Variants in LAP3 observed in about 807,000 individuals in gnomAD.
The protein encoded by LAP3 is cytosol aminopeptidase.
Under a neutral mutation model 58.8 loss-of-function variants are expected in LAP3, and 46 were observed. That is an observed-to-expected ratio of 0.78 (90% CI 0.62 to 1.00). The LOEUF (loss-of-function observed/expected upper bound fraction) is 1.00, where lower values mean the gene tolerates loss of function less well. Among genes scored for constraint, LAP3 ranks in the 50% least tolerant of loss-of-function variants. The pLI is 0.00. For synonymous variants in LAP3, 257 were observed against 237.7 expected (o/e 1.08, Z -0.75); for missense variants, 615 against 659.1 (o/e 0.93, Z 0.73).
Position 17,577,249 on chromosome 4 carries a change from C to CACGAATGCGGGCGCACACGAATGCGGG in LAP3, c.-217_-216insACGAATGCGGGCGCACACGAATGCGGG, listed in dbSNP as rs1553880637. 55 of 391,936 alleles carry CACGAATGCGGGCGCACACGAATGCGGG rather than the reference C, an allele frequency of 1.4e-4. No individual in the cohort carries two copies. The highest frequency in any genetic ancestry group is 2.9e-4 in the South Asian group (5 of 17,444). 24.3% of individuals were successfully genotyped at this position (391,936 alleles called of 1,614,324 possible). A position where few individuals can be genotyped will look rare whatever the true frequency, so the allele number is the denominator to read the frequency against. On this transcript the variant is annotated 5_prime_UTR_variant, in exon 1 of 13. The change creates a new upstream start codon in the 5' untranslated region. Transcript: ENST00000226299. Reference sequence around the variant, plus strand: ...GCGGGCGCACACGAATGCGGGCGCACCCTTGAGTCCCCTCCACAACCGCGG... The same window carrying CACGAATGCGGGCGCACACGAATGCGGG: ...GCGGGCGCACACGAATGCGGGCGCACACGAATGCGGGCGCACACGAATGCGGGCCTTGAGTCCCCTCCACAACCGCGG...
chr4:17,604,661 C>G lies in LAP3; in HGVS notation c.1254C>G (p.Leu418=), dbSNP rs1357515922. Reference sequence around the variant, plus strand: ...ATTCATCCTGGCTCTGGAACAAACTCTTCGAGGTAGGAATAATATTTGTAT... The same window carrying G: ...ATTCATCCTGGCTCTGGAACAAACTGTTCGAGGTAGGAATAATATTTGTAT... ...FTNSSWLWNK[L]FEASIETGDR... is the part of the protein sequence containing the mutation. Residue 418 remains leucine (L), a synonymous_variant, in exon 11 of 13, where the codon CTC becomes CTG. Coordinates refer to ENST00000226299, the MANE Select transcript of LAP3 (RefSeq NM_015907.3). 1 of 1,607,186 alleles carries G rather than the reference C, an allele frequency of 6.2e-7. No homozygotes were observed. Among genetic ancestry groups the G allele is most frequent in the Admixed American group, 1.7e-5 (1 of 60,000 alleles).
At chr4:17,590,237 C>T (rs1163227838) in intron 7 of LAP3, among the ~76,000 whole-genome samples, 1 of 152,170 alleles carries the variant, frequency 6.6e-6, no homozygotes, top group Non-Finnish European at 1.5e-5. Flanking sequence ...AATCATGTTA[C>T]CTGGAAACTA....
At position 17,598,470 on chromosome 4, in the gene LAP3, T is replaced by TG. The variant is rs1713887116; in HGVS notation, c.1093dup (p.Ala365GlyfsTer2). 6.2e-7 allele frequency: 1 copy of TG among 1,613,788 alleles called. No individual in the cohort carries two copies. Among genetic ancestry groups the TG allele is most frequent in the Non-Finnish European group, 8.5e-7 (1 of 1,179,776 alleles). ...ACCCTCTGCAGGTTGATAACACTGATGCTGAGGGGAGGCTCATACTGGCTG... is the reference window on the plus strand; with the variant it reads ...ACCCTCTGCAGGTTGATAACACTGATGGCTGAGGGGAGGCTCATACTGGCTG... On this transcript the variant is annotated frameshift_variant, in exon 10 of 13. Transcript: ENST00000226299. LOFTEE classifies it high-confidence loss of function.
rs779913406 is a variant in LAP3 at position 17,582,383 on chromosome 4, T to C, written c.369T>C (p.Ala123=). 3.1e-6 allele frequency: 5 copies of C among 1,612,730 alleles called. No individual in the cohort carries two copies. Among genetic ancestry groups the C allele is most frequent in the Non-Finnish European group, 3.4e-6 (4 of 1,179,182 alleles). ...ATGAAGGCAAAGAAAACATCAGAGC[T>C]GCTGTTGCAGGTTATTTCACTTTTT... ...NWHEGKENIR[A]AVAAGCRQIQ... is the part of the protein sequence containing the mutation. Residue 123 remains alanine (A), a synonymous_variant, in exon 4 of 13, where the codon GCT becomes GCC. Transcript: ENST00000226299.
Position 17,591,372 on chromosome 4 carries a change from A to G in LAP3, c.863+2395A>G, listed in dbSNP as rs1211951180. Among the ~76,000 whole-genome samples the G allele has an allele frequency of 3.4e-5, 5 of 146,348 alleles. No homozygotes were observed. In the East Asian group the frequency reaches 1.1e-3, roughly 31 times the overall value. ...TGGCCAGGCTCGTCTCAAACTCCTGATCTCGTGATCCCCCCACCTTGGCCT... is the reference window on the plus strand; with the variant it reads ...TGGCCAGGCTCGTCTCAAACTCCTGGTCTCGTGATCCCCCCACCTTGGCCT... On this transcript the variant is annotated intron_variant, in intron 7 of 12. Coordinates refer to ENST00000226299, the MANE Select transcript of LAP3 (RefSeq NM_015907.3).
chr4:17,598,665 C>T (rs1225019733), intron 10 of LAP3, 107 bp downstream of exon 10: 1 of 715,974 alleles, frequency 1.4e-6, no homozygotes, highest in Non-Finnish European at 2.5e-6. Flanking sequence ...TGGCTTGGTC[C>T]ATTGGCATTC....
intron 11 of LAP3, among the ~76,000 whole-genome samples, chr4:17,605,465 C>T (rs1440225680): frequency 6.6e-6 from 1 of 152,218 alleles, no homozygotes; most frequent in Non-Finnish European, 1.5e-5. Flanking sequence ...TCTGTGTACC[C>T]ATGTGGCTGC....
chr4:17,581,919 G>A, intron 3 of LAP3, 105 bp downstream of exon 3: 1 of 944,934 alleles, frequency 1.1e-6, no homozygotes, highest in South Asian at 1.5e-5. Flanking sequence ...TGGATTGTAT[G>A]ATTTTATTCC....
At position 17,584,925 on chromosome 4, in the gene LAP3, C is replaced by T. The variant is rs199652634; in HGVS notation, c.540-47C>T. 7.4e-4 allele frequency: 1,172 copies of T among 1,581,666 alleles called. 2 individuals are homozygous for T. The highest frequency in any genetic ancestry group is 2.5e-3 in the African/African-American group (187 of 73,924). ...TGTCTCTTAGTTGGCAGGCAGTCAG[C>T]GTTCTTGAGAGGTTGTTTGACAGTC... On this transcript the variant is annotated intron_variant, in intron 5 of 12. Coordinates refer to ENST00000226299, the MANE Select transcript of LAP3 (RefSeq NM_015907.3).
chr4:17,583,070 A>G (rs1384641430), intron 4 of LAP3, among the ~76,000 whole-genome samples: 4 of 152,218 alleles, frequency 2.6e-5, no homozygotes, highest in Admixed American at 2.0e-4. Flanking sequence ...ATGCTGTGTT[A>G]ATAATGGACT....
chr4:17,594,812 A>G (rs1013305575), intron 7 of LAP3, among the ~76,000 whole-genome samples: 2 of 152,164 alleles, frequency 1.3e-5, no homozygotes, highest in African/African-American at 4.8e-5. Context: ...CATCTCTGTG[A>G]GCTCATCAGC....
chr4:17,596,386 C>G (rs1204782381), intron 8 of LAP3, among the ~76,000 whole-genome samples: 1 of 152,066 alleles, frequency 6.6e-6, no homozygotes, highest in Non-Finnish European at 1.5e-5. Flanking sequence ...GTTGCCCAGG[C>G]TGGAGTGCAA....
Position 17,580,185 on chromosome 4 carries a change from T to TATATATATATATATGTA in LAP3, c.218+246_218+247insATATATATATATATGTA. Among the ~76,000 whole-genome samples the TATATATATATATATGTA allele has an allele frequency of 1.2e-3, 39 of 32,048 alleles. 2 individuals carry two copies. Among genetic ancestry groups the TATATATATATATATGTA allele is most frequent in the African/African-American group, 6.8e-3 (38 of 5,572 alleles). 21.0% of individuals were successfully genotyped at this position (32,048 alleles called of 152,430 possible). ...GCTTTCATATATATATATATATGTA[T>TATATATATATATATGTA]TTTTTTTTTTTTTCAGTAGAGTTGG... On this transcript the variant is annotated intron_variant, in intron 2 of 12. Coordinates refer to ENST00000226299, the MANE Select transcript of LAP3 (RefSeq NM_015907.3).
intron 10 of LAP3, among the ~76,000 whole-genome samples, chr4:17,602,870 C>T (rs1714013440): frequency 1.3e-5 from 2 of 151,648 alleles, no homozygotes; most frequent in South Asian, 4.2e-4. Context: ...TTAGTAGAGA[C>T]GGGGTTTCAC....
chr4:17,603,528 G>C (rs1362538738), intron 10 of LAP3, among the ~76,000 whole-genome samples: 1 of 148,030 alleles, frequency 6.8e-6, no homozygotes, highest in East Asian at 2.0e-4. Flanking sequence ...TTTTGAGACA[G>C]AGTTTCGCTC....
chr4:17,598,778 A>T (rs1281463268), intron 10 of LAP3, among the ~76,000 whole-genome samples: 1 of 151,350 alleles, frequency 6.6e-6, no homozygotes, highest in African/African-American at 2.4e-5. Flanking sequence ...TTTGAGACGG[A>T]GTGTCACTCT....
intron 1 of LAP3, among the ~76,000 whole-genome samples, chr4:17,579,050 A>G (rs753451345): frequency 6.6e-6 from 1 of 152,182 alleles, no homozygotes; most frequent in African/African-American, 2.4e-5. Context: ...TTTATTTACT[A>G]TTTTTACGTG....
chr4:17,583,577 T>G lies in LAP3; in HGVS notation c.474T>G (p.Gly158=). The G allele has an allele frequency of 6.2e-7, 1 of 1,614,044 alleles. No individual in the cohort carries two copies. Among genetic ancestry groups the G allele is most frequent in the Non-Finnish European group, 8.5e-7 (1 of 1,180,020 alleles). ...CTGCTGCGGAGGGAGCGGTGCTTGGTCTCTATGAATACGATGACCTAAAGC... is the reference window on the plus strand; with the variant it reads ...CTGCTGCGGAGGGAGCGGTGCTTGGGCTCTATGAATACGATGACCTAAAGC... The part of the protein sequence containing the change: ...AQAAAEGAVL[G]LYEYDDLKQK... The change falls in exon 5 of 13, where the codon GGT becomes GGG. Residue 158 remains glycine, a synonymous_variant. Transcript: ENST00000226299.
At chr4:17,583,792 G>A (rs1463588445) in intron 5 of LAP3, 150 bp downstream of exon 5, 4 of 808,436 alleles carry the variant, frequency 4.9e-6, no homozygotes, top group Non-Finnish European at 7.8e-6. Flanking sequence ...TAATAATGTG[G>A]TCAAAATTAA....
Sources: gnomAD v4.1 joint callset for allele counts (sites outside exome capture counted in the v4.1 genomes callset) on GRCh38, gnomAD v4.1.1 for gene constraint, MANE v1.5 for transcripts, NCBI Gene and HGNC (gene_info 2026-07-23, HGNC 2026-07-21) for gene names.